The following KLHL18 variants were observed in gnomAD, a reference collection of about 807,000 sequenced individuals.
KLHL18 encodes kelch-like protein 18.
In KLHL18, 38 loss-of-function variants were observed where a neutral mutation model predicts 58.5. The ratio of observed to expected loss-of-function variants is 0.65; its 90% CI spans 0.50 to 0.85. KLHL18 has a LOEUF of 0.85. KLHL18 is among the 40% of genes least tolerant of loss of function. The probability of loss-of-function intolerance (pLI) is 0.00; values close to 1 mark genes in which losing one functional copy is unlikely to be tolerated. For missense variants in KLHL18, 624 were observed against 778.4 expected, an observed-to-expected ratio of 0.80 and a Z score of 2.36; for synonymous variants, 303 against 301.9, an observed-to-expected ratio of 1.00 and a Z score of -0.04.
chr3:47,319,058 A>T (rs1382253259), intron 1 of KLHL18, among the ~76,000 whole-genome samples: 1 of 152,252 alleles, frequency 6.6e-6, no homozygotes, highest in African/African-American at 2.4e-5. Flanking sequence ...ACTTTATAGA[A>T]TTCCTCAGGC....
Position 47,334,799 on chromosome 3 carries a change from T to A in KLHL18, c.878T>A (p.Val293Glu). 2 of 1,613,792 alleles carry A rather than the reference T, an allele frequency of 1.2e-6. No individual in the cohort carries two copies. Reference protein sequence around the residue: ...CTSIAGLIYAVGGLNSAGDSL... With the variant: ...CTSIAGLIYAEGGLNSAGDSL... ...TCCATCGCTGGACTTATCTACGCTG[T>A]AGGGGGCCTCAACTCAGCAGGTACC... The change falls in exon 6 of 10, where the codon GTA becomes GAA. Residue 293 changes from valine to glutamate, a missense_variant. By Grantham distance (121) the Val-to-Glu change is moderately radical. Transcript: ENST00000232766. This position sits in a 1 kb window ranked among gnomAD's most constrained non-coding sequence, Gnocchi z 4.7.
At chr3:47,287,932 A>G (rs1426500725) in intron 1 of KLHL18, among the ~76,000 whole-genome samples, 1 of 152,134 alleles carries the variant, frequency 6.6e-6, no homozygotes, top group East Asian at 1.9e-4. Context: ...ATTGCCTTAA[A>G]TGACTTTGCT....
At chr3:47,288,220 CAAAAAAAA>C (rs768468646) in intron 1 of KLHL18, among the ~76,000 whole-genome samples, 2 of 44,630 alleles carry the variant, frequency 4.5e-5, no homozygotes, top group African/African-American at 1.6e-4. Flanking sequence ...ACTCTGTCTC[CAAAAAAAA>C]AAAAAAAAAA....
chr3:47,319,426 T>G (rs952272116), intron 1 of KLHL18, among the ~76,000 whole-genome samples: 6 of 152,226 alleles, frequency 3.9e-5, no homozygotes, highest in African/African-American at 1.4e-4. Context: ...TTCATTAAAA[T>G]GTATTGTTTA....
At chr3:47,289,711 AG>A (rs1316829049) in intron 1 of KLHL18, among the ~76,000 whole-genome samples, 1 of 152,176 alleles carries the variant, frequency 6.6e-6, no homozygotes, top group African/African-American at 2.4e-5. Context: ...TGAGCCCAGG[AG>A]GTCAAGGCTG....
intron 1 of KLHL18, chr3:47,297,507 C>T: frequency 2.2e-6 from 1 of 455,980 alleles, no homozygotes; most frequent in Middle Eastern, 3.3e-4. Context: ...GGAGTCAGGC[C>T]CTCCACAAAT....
intron 9 of KLHL18, among the ~76,000 whole-genome samples, chr3:47,343,045 AGCCACC>A (rs1159682318): frequency 6.6e-6 from 1 of 152,232 alleles, no homozygotes; most frequent in Non-Finnish European, 1.5e-5. Context: ...TCACATCTGC[AGCCACC>A]ACCCTGTTCT....
chr3:47,318,057 A>G (rs1386299822), intron 1 of KLHL18, among the ~76,000 whole-genome samples: 1 of 152,138 alleles, frequency 6.6e-6, no homozygotes, highest in African/African-American at 2.4e-5. Context: ...ACAGGGTTTC[A>G]TCATGTTGCC....
At chr3:47,329,869 C>A in intron 3 of KLHL18, 82 bp from the exon 4 acceptor site, 4 of 1,202,440 alleles carry the variant, frequency 3.3e-6, no homozygotes, top group Non-Finnish European at 3.6e-6. Flanking sequence ...CATTCTGTGG[C>A]TCTACCCAGA....
chr3:47,324,228 A>T (rs1313078288), intron 3 of KLHL18, among the ~76,000 whole-genome samples: 1 of 146,066 alleles, frequency 6.8e-6, no homozygotes, highest in Non-Finnish European at 1.5e-5. Flanking sequence ...TAAGACACAG[A>T]CTGGACTTAG....
intron 1 of KLHL18, among the ~76,000 whole-genome samples, chr3:47,293,983 A>T (rs529840411): frequency 6.6e-6 from 1 of 152,234 alleles, no homozygotes; most frequent in Non-Finnish European, 1.5e-5. Flanking sequence ...GCTGTGACTG[A>T]ATTATTTACT....
rs575514100 is a variant in KLHL18 at position 47,304,673 on chromosome 3, T to C, written c.130-14980T>C. On this transcript the variant is annotated intron_variant, in intron 1 of 9. Transcript: ENST00000232766. ...CTTGTAACTTTGCTGAACTCGCTTA[T>C]TATTTCTAGGGTTATTTGTTTTTTT... Among the ~76,000 whole-genome samples, 6 of 152,356 alleles carry C rather than the reference T, an allele frequency of 3.9e-5. No individual in the cohort carries two copies. In the South Asian group the frequency reaches 1.2e-3, roughly 32 times the overall value.
intron 2 of KLHL18, among the ~76,000 whole-genome samples, chr3:47,320,418 T>C (rs977720174): frequency 6.6e-6 from 1 of 152,190 alleles, no homozygotes; most frequent in Non-Finnish European, 1.5e-5. Flanking sequence ...GCAGATCTTA[T>C]GGTTATTTCA....
At chr3:47,307,193 TC>T (rs1056918894) in intron 1 of KLHL18, among the ~76,000 whole-genome samples, 4 of 152,342 alleles carry the variant, frequency 2.6e-5, no homozygotes, top group Admixed American at 1.3e-4. Context: ...TGCTTCAGCC[TC>T]CCAAGTAGCT....
intron 1 of KLHL18, among the ~76,000 whole-genome samples, chr3:47,309,985 AGGGAGGGGGAGG>A (rs1335286754): frequency 4.2e-5 from 1 of 23,984 alleles, no homozygotes; most frequent in African/African-American, 1.6e-4. Context: ...CCGTGGGGAG[AGGGAGGGGGAGG>A]GGGAGGGGGA....
intron 1 of KLHL18, among the ~76,000 whole-genome samples, chr3:47,289,564 G>C (rs1489045697): frequency 1.3e-5 from 2 of 152,162 alleles, no homozygotes; most frequent in Admixed American, 1.3e-4. Context: ...CCATTTTTAT[G>C]TTGTGTATAT....
At chr3:47,319,864 C>CTTTTTT in intron 2 of KLHL18, 81 bp downstream of exon 2, 5 of 1,428,596 alleles carry the variant, frequency 3.5e-6, no homozygotes, top group Non-Finnish European at 4.9e-6. Flanking sequence ...TGAGGACCTG[C>CTTTTTT]AGCAGGACAC....
Position 47,330,108 on chromosome 3 carries a change from C to A in KLHL18, c.559C>A (p.Leu187Met), listed in dbSNP as rs538028223. 5.0e-6 allele frequency: 8 copies of A among 1,614,124 alleles called. No homozygotes were observed. The South Asian group carries it at 8.8e-5, about 18-fold the overall frequency. ...CCTGCCCTTGGAAGACGTGCTTGAGCTGGTGTCTCGGGATGAGCTGAATGT... is the reference window on the plus strand; with the variant it reads ...CCTGCCCTTGGAAGACGTGCTTGAGATGGTGTCTCGGGATGAGCTGAATGT... ...LALPLEDVLELVSRDELNVKS... is the reference protein window; with the variant it reads ...LALPLEDVLEMVSRDELNVKS... Residue 187 changes from leucine (L) to methionine (M), a missense_variant, in exon 4 of 10, where the codon CTG becomes ATG. Leu to Met is a conservative substitution (Grantham distance 15). Coordinates refer to ENST00000232766, the MANE Select transcript of KLHL18 (RefSeq NM_025010.5).
At chr3:47,342,188 A>G (rs1391091466) in intron 8 of KLHL18, among the ~76,000 whole-genome samples, 1 of 152,190 alleles carries the variant, frequency 6.6e-6, no homozygotes, top group Non-Finnish European at 1.5e-5. Flanking sequence ...AGGAGGAGCA[A>G]TCCCTCTGGC....
Sources: gnomAD v4.1 joint callset for allele counts (sites outside exome capture counted in the v4.1 genomes callset) on GRCh38, gnomAD v4.1.1 for gene constraint, Gnocchi (gnomAD v3.1) non-coding constraint, MANE v1.5 for transcripts, NCBI Gene and HGNC (gene_info 2026-07-23, HGNC 2026-07-21) for gene names.